Variants in CFAP45 observed in about 807,000 individuals in gnomAD.
The protein encoded by CFAP45 is cilia and flagella associated protein 45.
A neutral mutation model predicts 75.6 loss-of-function variants in CFAP45; 43 were observed. The observed-to-expected ratio is 0.57, with a 90% CI of 0.45 to 0.73. The LOEUF (loss-of-function observed/expected upper bound fraction) is 0.73, where lower values mean the gene tolerates loss of function less well. Ranked by LOEUF, CFAP45 falls within the 30% of genes least tolerant of loss-of-function variation. CFAP45 has a pLI of 0.00. For missense variants in CFAP45, 689 were observed against 701.5 expected (o/e 0.98, Z 0.20); for synonymous variants, 223 against 244.6 (o/e 0.91, Z 0.82).
Position 159,876,674 on chromosome 1 carries a change from TC to T in CFAP45, c.1233del (p.Lys412ArgfsTer114). 1 of 1,614,194 alleles carries T rather than the reference TC, an allele frequency of 6.2e-7. No homozygotes were observed. Among genetic ancestry groups the T allele is most frequent in the Non-Finnish European group, 8.5e-7 (1 of 1,180,030 alleles). ...EWRRKEKENA[R>X]KKMETEAELR... ...AGCTCAGCCTCTGTTTCCATCTTCTTCCGCGCATTTTCCTTTTCCTTTCTGC... is the reference window on the plus strand; with the variant it reads ...AGCTCAGCCTCTGTTTCCATCTTCTTCGCGCATTTTCCTTTTCCTTTCTGC... On this transcript the variant is annotated frameshift_variant, in exon 10 of 12. Transcript: ENST00000368099. LOFTEE classifies it high-confidence loss of function.
rs559974806 is a variant in CFAP45, at chr1:159,873,018, C to A, written c.1503G>T (p.Arg501=). 1 of 1,614,218 alleles carries A rather than the reference C, an allele frequency of 6.2e-7. No individual in the cohort carries two copies. The highest frequency in any genetic ancestry group is 1.1e-5 in the South Asian group (1 of 91,090). ...GTTTCTGGGCCTCCTCTTTGAGGCG[C>A]CGGCCCTCCTCAAAGGTGGCAATCC... ...QNRIATFEEG[R]RLKEEAQKRR... Residue 501 remains arginine (R), a synonymous_variant, in exon 11 of 12, where the codon CGG becomes CGT. Coordinates refer to ENST00000368099, the MANE Select transcript of CFAP45 (RefSeq NM_012337.3).
chr1:159,893,146 T>C lies in CFAP45; in HGVS notation c.129+34A>G, dbSNP rs139643283. ...ACATTTTTGGGCCTCTGCCTGCAGG[T>C]GGCATCAACTTGAAAGGACTTGTTG... On this transcript the variant is annotated intron_variant, in intron 2 of 11. Transcript: ENST00000368099. The C allele has an allele frequency of 1.2e-3, 1,972 of 1,611,372 alleles. 25 individuals carry two copies. In the African/African-American group the frequency reaches 0.023, roughly 19 times the overall value.
chr1:159,883,623 A>AATATATATATATATATAT (rs59275156), intron 7 of CFAP45, among the ~76,000 whole-genome samples: 1 of 72,124 alleles, frequency 1.4e-5, no homozygotes, highest in African/African-American at 3.6e-5. Context: ...TTAACAATAA[A>AATATATATATATATATAT]ATATATATAT....
intron 1 of CFAP45, among the ~76,000 whole-genome samples, chr1:159,896,416 C>T (rs1649952184): frequency 6.6e-6 from 1 of 152,180 alleles, no homozygotes; most frequent in South Asian, 2.1e-4. Context: ...TTTGAAGCCG[C>T]AGCCTTACAC....
At chr1:159,887,772 G>A in intron 5 of CFAP45, 69 bp downstream of exon 5, 1 of 1,432,772 alleles carries the variant, frequency 7.0e-7, no homozygotes, top group South Asian at 1.3e-5. Context: ...CTTGTCCAGT[G>A]CGGGAATAAG....
intron 5 of CFAP45, among the ~76,000 whole-genome samples, chr1:159,887,386 T>C (rs773532912): frequency 5.3e-5 from 8 of 152,226 alleles, no homozygotes; most frequent in Non-Finnish European, 1.0e-4. Context: ...GAGCCTCTGG[T>C]CTTTAGGCTC....
rs1351820443 is a variant in CFAP45, at chr1:159,880,596, C to T, written c.1002G>A (p.Lys334=). The change falls in exon 8 of 12, where the codon AAG becomes AAA. Residue 334 remains lysine, a synonymous_variant. Transcript: ENST00000368099. ...ACTCCATCACCATCTGGTCTGCCAG[C>T]TTCTCCTGAGCCAGCAGTTCTGCTT... The part of the protein sequence containing the change: ...KQKAELLAQE[K]LADQMVMEFT... 2 of 1,613,922 alleles carry T rather than the reference C, an allele frequency of 1.2e-6. No individual in the cohort carries two copies. Among genetic ancestry groups the T allele is most frequent in the Non-Finnish European group, 1.7e-6 (2 of 1,179,894 alleles).
At chr1:159,890,003 A>G (rs1291783697) in intron 3 of CFAP45, among the ~76,000 whole-genome samples, 3 of 152,214 alleles carry the variant, frequency 2.0e-5, no homozygotes, top group Non-Finnish European at 2.9e-5. Context: ...TCCCAAAGGA[A>G]CCCAGGGAGC....
intron 3 of CFAP45, among the ~76,000 whole-genome samples, 188 bp downstream of exon 3, chr1:159,890,292 G>A (rs1288044115): frequency 6.6e-6 from 1 of 152,158 alleles, no homozygotes; most frequent in Non-Finnish European, 1.5e-5. Flanking sequence ...TACAACAATG[G>A]GAGAAACAAG....
Position 159,887,835 on chromosome 1 carries a change from G to A in CFAP45, c.588+6C>T. The A allele has an allele frequency of 6.2e-7, 1 of 1,607,914 alleles. No homozygotes were observed. Among genetic ancestry groups the A allele is most frequent in the Non-Finnish European group, 8.5e-7 (1 of 1,176,130 alleles). On this transcript the variant is annotated splice_donor_region_variant and intron_variant, in intron 5 of 11. Transcript: ENST00000368099. Reference sequence around the variant, plus strand: ...CTCAGAGGGAAGGGAGAGACGAAGAGCCCACCTTGCTCATGTCCTTGAGCT... The same window carrying A: ...CTCAGAGGGAAGGGAGAGACGAAGAACCCACCTTGCTCATGTCCTTGAGCT...
intron 2 of CFAP45, among the ~76,000 whole-genome samples, 177 bp from the exon 3 acceptor site, chr1:159,890,799 C>T (rs555787769): frequency 2.8e-5 from 4 of 141,010 alleles, no homozygotes; most frequent in African/African-American, 5.2e-5. Context: ...TGCTCTGTCA[C>T]CCAGGCTGGA....
Position 159,884,555 on chromosome 1 carries a change from G to C in CFAP45, c.778C>G (p.Gln260Glu). The stretch of plus-strand genomic sequence containing the variant: ...TTCTTTTCCATCTGTTCCACAATTT[G>C]CCGCCTTCCTCTTGGAGAGAACAGT... ...RREERIRGRRQIVEQMEKNQE... is the reference protein window; with the variant it reads ...RREERIRGRREIVEQMEKNQE... Residue 260 changes from glutamine (Q) to glutamate (E), a missense_variant, in exon 7 of 12, where the codon CAA (glutamine) becomes GAA (glutamate). By Grantham distance (29) the Gln-to-Glu change is conservative (BLOSUM62 2). Coordinates refer to ENST00000368099, the MANE Select transcript of CFAP45 (RefSeq NM_012337.3). 1 of 1,613,308 alleles carries C rather than the reference G, an allele frequency of 6.2e-7. No homozygotes were observed. Among genetic ancestry groups the C allele is most frequent in the South Asian group, 1.1e-5 (1 of 90,942 alleles).
intron 7 of CFAP45, among the ~76,000 whole-genome samples, chr1:159,881,426 C>G (rs1429094592): frequency 6.6e-6 from 1 of 152,234 alleles, no homozygotes; most frequent in Non-Finnish European, 1.5e-5. Context: ...TGGCGACACA[C>G]CTCTTGCAAG....
intron 2 of CFAP45, among the ~76,000 whole-genome samples, chr1:159,891,403 A>T (rs926322097): frequency 6.6e-6 from 1 of 152,202 alleles, no homozygotes; most frequent in African/African-American, 2.4e-5. Context: ...AGAAATCGCT[A>T]AATGACCTGC....
At position 159,877,309 on chromosome 1, in the gene CFAP45, G is replaced by A. The variant is rs760963577; in HGVS notation, c.1158+40C>T. The A allele has an allele frequency of 3.7e-6, 5 of 1,362,194 alleles. No homozygotes were observed. In the South Asian group the frequency reaches 5.8e-5, roughly 16 times the overall value. The allele number at this position is 1,362,194 out of a possible 1,614,324, so 84.4% of individuals were successfully genotyped here. ...CTGTCAAAGGGATGGATAGGCAAGGGAGTGGGAAAAGTAGAGGGAAGTCGA... is the reference window on the plus strand; with the variant it reads ...CTGTCAAAGGGATGGATAGGCAAGGAAGTGGGAAAAGTAGAGGGAAGTCGA... On this transcript the variant is annotated intron_variant, in intron 9 of 11. Transcript: ENST00000368099.
At chr1:159,884,196 G>T (rs1649619992) in intron 7 of CFAP45, among the ~76,000 whole-genome samples, 1 of 152,204 alleles carries the variant, frequency 6.6e-6, no homozygotes, top group Non-Finnish European at 1.5e-5. Flanking sequence ...TGATATGTCA[G>T]TCTTGGACCT....
intron 7 of CFAP45, among the ~76,000 whole-genome samples, chr1:159,881,959 C>T (rs145038644): frequency 3.3e-5 from 5 of 152,362 alleles, no homozygotes; most frequent in Non-Finnish European, 5.9e-5. Context: ...CCTGGCCTTC[C>T]AGGTCTTCCT....
chr1:159,887,820 A>G, intron 5 of CFAP45, 21 bp downstream of exon 5: 1 of 1,601,760 alleles, frequency 6.2e-7, no homozygotes, highest in Non-Finnish European at 8.5e-7. Flanking sequence ...CTCAGAGGGA[A>G]GGGAGAGACG....
At chr1:159,876,826 T>C in intron 9 of CFAP45, 77 bp from the exon 10 acceptor site, 1 of 1,367,894 alleles carries the variant, frequency 7.3e-7, no homozygotes, top group Non-Finnish European at 1.0e-6. Flanking sequence ...AGAAGATACC[T>C]ACTTACAGAC....
Sources: allele counts gnomAD v4.1 joint callset (sites outside exome capture counted in the v4.1 genomes callset), GRCh38; gene constraint gnomAD v4.1.1; transcripts MANE v1.5; gene names NCBI Gene and HGNC (gene_info 2026-07-23, HGNC 2026-07-21).